The following RELCH variants were observed in gnomAD, a reference collection of about 807,000 sequenced individuals.
The protein encoded by RELCH is RAB11 binding and LisH domain, coiled-coil and HEAT repeat containing.
RELCH carries 41 observed loss-of-function variants against 150.3 expected under a neutral mutation model. The observed-to-expected ratio is 0.27, with a 90% CI of 0.21 to 0.35. RELCH has a LOEUF of 0.35. RELCH is among the 10% of genes least tolerant of loss of function. The pLI, the probability that RELCH is intolerant of heterozygous loss-of-function variation, is 1.00. For missense variants in RELCH, 1,092 were observed against 1,467.8 expected (o/e 0.74, Z 4.18); for synonymous variants, 478 against 531.8 (o/e 0.90, Z 1.39).
chr18:62,221,080 C>T lies in RELCH; in HGVS notation c.660C>T (p.Ala220=), dbSNP rs2040838230. 6.2e-7 allele frequency: 1 copy of T among 1,613,310 alleles called. No individual in the cohort carries two copies. Among genetic ancestry groups the T allele is most frequent in the Non-Finnish European group, 8.5e-7 (1 of 1,179,596 alleles). ...GGAAAGCCAAGGAGACCATTCAGGC[C>T]CTCCGAGCCAACCTGACAAAGGCCG... ...ELRKAKETIQ[A]LRANLTKAAE... is the part of the protein sequence containing the mutation. The change falls in exon 3 of 29, where the codon GCC becomes GCT. Residue 220 remains alanine (A), a synonymous_variant. Transcript: ENST00000644646.
intron 2 of RELCH, among the ~76,000 whole-genome samples, chr18:62,219,216 T>A (rs1447858841): frequency 5.3e-5 from 8 of 151,766 alleles, no homozygotes; most frequent in Non-Finnish European, 1.5e-5. Flanking sequence ...TTTCTGGCTT[T>A]CTGTGCCTTA....
intron 19 of RELCH, among the ~76,000 whole-genome samples, chr18:62,267,190 T>C (rs548516134): frequency 6.6e-6 from 1 of 151,846 alleles, no homozygotes; most frequent in Admixed American, 6.6e-5. Context: ...AACTACAGAC[T>C]TGAATGGGTA....
chr18:62,270,074 T>A (rs1331034842), intron 20 of RELCH, among the ~76,000 whole-genome samples: 1 of 152,216 alleles, frequency 6.6e-6, no homozygotes, highest in East Asian at 1.9e-4. Flanking sequence ...TGGTCACTTC[T>A]GTTGCTGCAG....
intron 1 of RELCH, among the ~76,000 whole-genome samples, chr18:62,195,961 G>A (rs1322408602): frequency 2.6e-5 from 4 of 152,162 alleles, no homozygotes; most frequent in African/African-American, 9.7e-5. Context: ...CTCCCAAAGT[G>A]CTGGGATTAC....
chr18:62,257,233 A>G (rs1002818815), intron 13 of RELCH, among the ~76,000 whole-genome samples: 2 of 147,442 alleles, frequency 1.4e-5, no homozygotes, highest in African/African-American at 4.8e-5. Context: ...AACCTCAGCC[A>G]TGAAGCTAAA....
intron 5 of RELCH, among the ~76,000 whole-genome samples, chr18:62,225,926 G>A (rs2041190385): frequency 6.6e-6 from 1 of 151,720 alleles, no homozygotes; most frequent in Non-Finnish European, 1.5e-5. Flanking sequence ...TCATTTTACA[G>A]ATGACCAGTT....
At chr18:62,218,899 T>C (rs1310747389) in intron 2 of RELCH, among the ~76,000 whole-genome samples, 4 of 151,988 alleles carry the variant, frequency 2.6e-5, no homozygotes, top group Non-Finnish European at 5.9e-5. Flanking sequence ...TTAGCTTTAA[T>C]CTAATGCTAA....
chr18:62,191,262 G>A (rs2038613242), intron 1 of RELCH, among the ~76,000 whole-genome samples: 1 of 152,146 alleles, frequency 6.6e-6, no homozygotes. Context: ...TAAACATTTG[G>A]TATTTTTGGG....
Position 62,304,081 on chromosome 18 carries a change from AAG to A in RELCH, c.3531-1330_3531-1329del, listed in dbSNP as rs66671942. On this transcript the variant is annotated intron_variant, in intron 28 of 28. Transcript: ENST00000644646. Reference sequence around the variant, plus strand: ...GGAAAATAGTAGAACCACTGGCAAAAAGAGGGGGGAGTTAAAATGGAGAGTTA... The same window carrying A: ...GGAAAATAGTAGAACCACTGGCAAAAAGGGGGGAGTTAAAATGGAGAGTTA... 9.4e-3 allele frequency among the ~76,000 whole-genome samples: 1,439 copies of A among 152,318 alleles called. 16 individuals carry two copies. The highest frequency in any genetic ancestry group is 0.016 in the Non-Finnish European group (1,080 of 68,026).
intron 2 of RELCH, among the ~76,000 whole-genome samples, chr18:62,213,777 T>C (rs2040318757): frequency 6.6e-6 from 1 of 151,116 alleles, no homozygotes; most frequent in South Asian, 2.1e-4. Flanking sequence ...GTATAATCTC[T>C]ATTTATGTCA....
At chr18:62,238,238 C>T (rs1036846740) in intron 10 of RELCH, among the ~76,000 whole-genome samples, 1 of 151,778 alleles carries the variant, frequency 6.6e-6, no homozygotes, top group Non-Finnish European at 1.5e-5. Flanking sequence ...TTATTTCCTT[C>T]CTTCTACTGG....
chr18:62,218,767 A>G (rs1171097693), intron 2 of RELCH, among the ~76,000 whole-genome samples: 3 of 152,000 alleles, frequency 2.0e-5, no homozygotes, highest in Non-Finnish European at 4.4e-5. Flanking sequence ...TTGGTTGGTC[A>G]TTCCTGCAGC....
chr18:62,306,727 G>A lies in RELCH; in HGVS notation c.*1193G>A, dbSNP rs957189073. The A allele has an allele frequency of 2.0e-5, 3 of 152,642 alleles. No individual in the cohort carries two copies. The highest frequency in any genetic ancestry group is 2.9e-5 in the Non-Finnish European group (2 of 68,042). The allele number at this position is 152,642 out of a possible 1,614,324, so 9.5% of individuals were successfully genotyped here. Reference sequence around the variant, plus strand: ...AAAGAGTGCTGGACATAGGAAGGGGGTGCTTGGTTTGAGGGGTTAATGTGA... The same window carrying A: ...AAAGAGTGCTGGACATAGGAAGGGGATGCTTGGTTTGAGGGGTTAATGTGA... On this transcript the variant is annotated 3_prime_UTR_variant, in exon 29 of 29. Transcript: ENST00000644646.
chr18:62,293,756 G>A (rs564929848), intron 27 of RELCH, among the ~76,000 whole-genome samples: 4 of 152,004 alleles, frequency 2.6e-5, no homozygotes, highest in African/African-American at 9.6e-5. Context: ...TTACTACCTA[G>A]CTTAAGAAAT....
intron 11 of RELCH, among the ~76,000 whole-genome samples, chr18:62,250,143 G>A (rs2042624725): frequency 1.3e-5 from 2 of 151,990 alleles, no homozygotes; most frequent in Admixed American, 6.6e-5. Context: ...AATAACCTGT[G>A]GGCCTTCTAA....
intron 25 of RELCH, chr18:62,284,318 G>A (rs1283284103): frequency 6.6e-6 from 1 of 152,068 alleles, no homozygotes; most frequent in African/African-American, 2.4e-5. Flanking sequence ...TTCTCATAAT[G>A]GCCCCCAAAT....
intron 1 of RELCH, among the ~76,000 whole-genome samples, chr18:62,205,944 A>G (rs1186355404): frequency 6.6e-6 from 1 of 152,132 alleles, no homozygotes; most frequent in Non-Finnish European, 1.5e-5. Flanking sequence ...GGATCGCTTG[A>G]GCCCAGGAAG....
intron 13 of RELCH, among the ~76,000 whole-genome samples, chr18:62,256,314 G>T (rs1031537353): frequency 2.6e-5 from 4 of 152,004 alleles, no homozygotes; most frequent in Non-Finnish European, 5.9e-5. Context: ...AGCATTCATT[G>T]CCAGTGGATT....
At chr18:62,250,827 G>A (rs2148529535) in intron 11 of RELCH, among the ~76,000 whole-genome samples, 1 of 152,310 alleles carries the variant, frequency 6.6e-6, no homozygotes, top group East Asian at 1.9e-4. Context: ...ATATAACAAT[G>A]AGCAATGCCT....
Sources: allele counts gnomAD v4.1 joint callset (sites outside exome capture counted in the v4.1 genomes callset), GRCh38; gene constraint gnomAD v4.1.1; transcripts MANE v1.5; gene names NCBI Gene and HGNC (gene_info 2026-07-23, HGNC 2026-07-21).